The following PRXL2A variants were observed in gnomAD, a reference collection of about 807,000 sequenced individuals.
PRXL2A encodes the protein peroxiredoxin-like 2A.
Under a neutral mutation model 25.6 loss-of-function variants are expected in PRXL2A, and 26 were observed. That is an observed-to-expected ratio of 1.02 (90% CI 0.74 to 1.41). The LOEUF (loss-of-function observed/expected upper bound fraction) is 1.41, where lower values mean the gene tolerates loss of function less well. Among genes scored for constraint, PRXL2A ranks in the 40% most tolerant of loss-of-function variants. The probability of loss-of-function intolerance (pLI) is 0.00; values close to 1 mark genes in which losing one functional copy is unlikely to be tolerated. For missense variants in PRXL2A, 246 were observed against 273.9 expected (o/e 0.90, Z 0.72); for synonymous variants, 98 against 102.9 (o/e 0.95, Z 0.29).
chr10:80,431,961 G>C, intron 5 of PRXL2A, 25 bp from the exon 6 acceptor site: 3 of 1,526,212 alleles, frequency 2.0e-6, no homozygotes, highest in Non-Finnish European at 2.7e-6. Flanking sequence ...GATGAGGACT[G>C]ACATTATCTC....
intron 2 of PRXL2A, among the ~76,000 whole-genome samples, chr10:80,421,743 C>T (rs1277251357): frequency 6.6e-6 from 1 of 151,998 alleles, no homozygotes; most frequent in Non-Finnish European, 1.5e-5. Context: ...GAGCCCTCAC[C>T]AACTCTATAT....
intron 3 of PRXL2A, 89 bp downstream of exon 3, chr10:80,422,597 A>G: frequency 1.1e-6 from 1 of 945,764 alleles, no homozygotes; most frequent in Non-Finnish European, 1.6e-6. Flanking sequence ...TCGGTAAGCC[A>G]GCTTTAGCCT....
intron 2 of PRXL2A, among the ~76,000 whole-genome samples, chr10:80,420,852 A>G (rs577465660): frequency 1.3e-5 from 2 of 152,282 alleles, no homozygotes; most frequent in East Asian, 1.9e-4. Flanking sequence ...CCATGTGTAC[A>G]TATTACGTAG....
chr10:80,415,583 A>G (rs1844631890), intron 1 of PRXL2A, among the ~76,000 whole-genome samples: 1 of 152,188 alleles, frequency 6.6e-6, no homozygotes, highest in Non-Finnish European at 1.5e-5. Context: ...CCATAGCCTC[A>G]TGCCCATACA....
chr10:80,425,926 G>T lies in PRXL2A; in HGVS notation c.331G>T (p.Ala111Ser), dbSNP rs556273297. ...GGACCAGCTGGGCGTCCCCCTCTAT[G>T]CAGTGGTAAAGGAGCACATCAGGAC... ...MLDQLGVPLYAVVKEHIRTEV... is the reference protein window; with the variant it reads ...MLDQLGVPLYSVVKEHIRTEV... The change falls in exon 4 of 6, where the codon GCA becomes TCA. Residue 111 changes from alanine to serine, a missense_variant. Ala to Ser is a moderately conservative substitution (Grantham distance 99). Transcript: ENST00000606162. 1.1e-5 allele frequency: 18 copies of T among 1,614,114 alleles called. No homozygotes were observed. The South Asian group carries it at 2.0e-4, about 18-fold the overall frequency.
intron 2 of PRXL2A, among the ~76,000 whole-genome samples, chr10:80,421,767 G>A (rs1260061622): frequency 1.3e-5 from 2 of 151,896 alleles, no homozygotes; most frequent in African/African-American, 2.4e-5. Context: ...CAGACATTGT[G>A]GTGAGCACTT....
At chr10:80,413,585 A>G (rs1355797035) in intron 1 of PRXL2A, among the ~76,000 whole-genome samples, 1 of 152,232 alleles carries the variant, frequency 6.6e-6, no homozygotes, top group Non-Finnish European at 1.5e-5. Context: ...GTCTGGTGGC[A>G]CTTGGGAAAT....
chr10:80,429,924 T>A (rs1486280094), intron 5 of PRXL2A, among the ~76,000 whole-genome samples: 1 of 152,124 alleles, frequency 6.6e-6, no homozygotes, highest in East Asian at 1.9e-4. Context: ...ACTGGCATGT[T>A]TCTGATGTTG....
intron 5 of PRXL2A, among the ~76,000 whole-genome samples, chr10:80,430,475 A>G (rs1218388516): frequency 6.6e-6 from 1 of 152,152 alleles, no homozygotes; most frequent in Non-Finnish European, 1.5e-5. Context: ...GCAAAACCCC[A>G]TCTCTATAAA....
At chr10:80,413,825 C>T in intron 1 of PRXL2A, 1 of 1,176,736 alleles carries the variant, frequency 8.5e-7, no homozygotes, top group Non-Finnish European at 1.1e-6. Context: ...GTCTGCTCAC[C>T]CCTGGATATA....
chr10:80,408,365 A>G (rs1487067215), upstream of PRXL2A: 1 of 151,896 alleles, frequency 6.6e-6, no homozygotes. Context: ...GGACCGACCG[A>G]GCGCTGTGCG....
intron 5 of PRXL2A, among the ~76,000 whole-genome samples, chr10:80,430,083 G>A (rs61859241): frequency 6.8e-6 from 1 of 146,656 alleles, no homozygotes; most frequent in Non-Finnish European, 1.5e-5. Context: ...GGGTGGTGGG[G>A]ATTTCCTTTT....
In PRXL2A at chr10:80,427,476, G is replaced by C. The variant is rs201956373; in HGVS notation, c.556G>C (p.Val186Leu). 1.2e-5 allele frequency: 20 copies of C among 1,614,012 alleles called. No homozygotes were observed. The highest frequency in any genetic ancestry group is 1.4e-5 in the Non-Finnish European group (16 of 1,180,022). Reference protein sequence around the residue: ...GEGFILGGVFVVGSGKQGILL... With the variant: ...GEGFILGGVFLVGSGKQGILL... ...AGGCTTCATCCTTGGGGGAGTTTTC[G>C]TGGTGGGATCAGGAAAGCAGGTGAG... Residue 186 changes from valine (V) to leucine (L), a missense_variant, in exon 5 of 6, where the codon GTG becomes CTG. Coordinates refer to ENST00000606162, the MANE Select transcript of PRXL2A (RefSeq NM_032333.5).
intron 1 of PRXL2A, among the ~76,000 whole-genome samples, chr10:80,409,300 A>G (rs1284193523): frequency 6.6e-6 from 1 of 152,128 alleles, no homozygotes; most frequent in Non-Finnish European, 1.5e-5. Context: ...TTGTTGCTGG[A>G]GCGGGAGGTG....
chr10:80,419,155 T>G (rs955262975), intron 1 of PRXL2A, among the ~76,000 whole-genome samples: 2 of 151,380 alleles, frequency 1.3e-5, no homozygotes, highest in African/African-American at 2.4e-5. Context: ...CCAGCTAATT[T>G]TTGTATTTTT....
At position 80,420,571 on chromosome 10, in the gene PRXL2A, A is replaced by G. The variant is rs1425677193; in HGVS notation, c.104A>G (p.Asp35Gly). 3 of 1,613,832 alleles carry G rather than the reference A, an allele frequency of 1.9e-6. No individual in the cohort carries two copies. The highest frequency in any genetic ancestry group is 2.2e-5 in the East Asian group (1 of 44,878). The change falls in exon 2 of 6, where the codon GAC (aspartate) becomes GGC (glycine). Residue 35 changes from aspartate (D) to glycine (G), a missense_variant. Physicochemically the swap from Asp to Gly is moderately conservative, Grantham distance 94. Coordinates refer to ENST00000606162, the MANE Select transcript of PRXL2A (RefSeq NM_032333.5). ...TTGGCATTGCTGCTTGCCAACACAGACGTGTTTCTGTCCAAGCCCCAGAAA... is the reference window on the plus strand; with the variant it reads ...TTGGCATTGCTGCTTGCCAACACAGGCGTGTTTCTGTCCAAGCCCCAGAAA... ...AALALLLANT[D>G]VFLSKPQKAA...
rs934413998 is a variant in PRXL2A, at chr10:80,428,043, C to T, written c.576+547C>T. On this transcript the variant is annotated intron_variant, in intron 5 of 5. Coordinates refer to ENST00000606162, the MANE Select transcript of PRXL2A (RefSeq NM_032333.5). ...GGAGAAAATAAGGAATAGAACCAGG[C>T]GTAATTAGGGGAAGTGGCAAGGAGG... Among the ~76,000 whole-genome samples the T allele has an allele frequency of 3.0e-4, 46 of 151,978 alleles. 1 individual carries two copies. The highest frequency in any genetic ancestry group is 9.9e-4 in the African/African-American group (41 of 41,360).
chr10:80,409,138 T>A (rs1844381830), intron 1 of PRXL2A: 3 of 922,030 alleles, frequency 3.3e-6, no homozygotes, highest in Non-Finnish European at 3.9e-6. Context: ...GAGGGCACGG[T>A]TTCTAGCGTT....
chr10:80,420,897 C>T (rs1274086857), intron 2 of PRXL2A, among the ~76,000 whole-genome samples: 2 of 152,098 alleles, frequency 1.3e-5, no homozygotes, highest in Non-Finnish European at 2.9e-5. Flanking sequence ...TACATTTTAG[C>T]TTTTCTTATC....
Sources: gnomAD v4.1 joint callset for allele counts (sites outside exome capture counted in the v4.1 genomes callset) on GRCh38, gnomAD v4.1.1 for gene constraint, MANE v1.5 for transcripts, NCBI Gene and HGNC (gene_info 2026-07-23, HGNC 2026-07-21) for gene names.